The following PGS1 variants were observed in gnomAD, a reference collection of about 807,000 sequenced individuals.
PGS1 encodes the protein CDP-diacylglycerol--glycerol-3-phosphate 3-phosphatidyltransferase, mitochondrial.
Under a neutral mutation model 58.3 loss-of-function variants are expected in PGS1, and 44 were observed. The ratio of observed to expected loss-of-function variants is 0.75; its 90% CI spans 0.59 to 0.97. The LOEUF is 0.97. PGS1 is among the 50% of genes least tolerant of loss of function. The pLI is 0.00. For synonymous variants in PGS1, 330 were observed against 311.0 expected, an observed-to-expected ratio of 1.06 and a Z score of -0.64; for missense variants, 684 against 731.1, an observed-to-expected ratio of 0.94 and a Z score of 0.74.
chr17:78,390,062 T>TCCCCCG (rs60682804), intron 1 of PGS1, among the ~76,000 whole-genome samples: 1 of 128,606 alleles, frequency 7.8e-6, no homozygotes, highest in Non-Finnish European at 1.7e-5. Flanking sequence ...TGTTGCCTGT[T>TCCCCCG]CCCCCGCCCC....
Position 78,403,676 on chromosome 17 carries a change from C to A in PGS1, c.989C>A (p.Ser330Tyr). 1 of 1,614,252 alleles carries A rather than the reference C, an allele frequency of 6.2e-7. No individual in the cohort carries two copies. The highest frequency in any genetic ancestry group is 8.5e-7 in the Non-Finnish European group (1 of 1,180,042). ...MLHAQTFHSN[S>Y]LLTQEDAAAA... ...CATGCCCAGACCTTCCACAGCAACT[C>A]TCTTTTGACCCAGGAAGATGCAGCA... The change falls in exon 7 of 10, where the codon TCT becomes TAT. Residue 330 changes from serine to tyrosine, a missense_variant. Physicochemically the swap from Ser to Tyr is moderately radical, Grantham distance 144. Transcript: ENST00000262764.
intron 8 of PGS1, 66 bp downstream of exon 8, chr17:78,415,093 T>C (rs1009403140): frequency 2.5e-6 from 4 of 1,577,236 alleles, no homozygotes; most frequent in Non-Finnish European, 3.5e-6. Flanking sequence ...GGCTCACCCG[T>C]GCTGTGGGGC....
At chr17:78,404,350 C>T in intron 7 of PGS1, among the ~76,000 whole-genome samples, 1 of 146,434 alleles carries the variant, frequency 6.8e-6, no homozygotes. Flanking sequence ...AGCATGATCT[C>T]AGTTCACCGC....
intron 6 of PGS1, among the ~76,000 whole-genome samples, chr17:78,402,819 C>T (rs2083795088): frequency 6.6e-6 from 1 of 152,180 alleles, no homozygotes; most frequent in South Asian, 2.1e-4. Flanking sequence ...TTTCTTTCCC[C>T]TGTCTTCCTG....
rs567585190 is a variant in PGS1, at chr17:78,420,658, C to G, written c.*10+983C>G. ...CCTTAGTGCCTGGCACCTTAGTGCT[C>G]TGCTAAGTCTCATTGTTTAAAAATG... On this transcript the variant is annotated intron_variant, in intron 9 of 9. Coordinates refer to ENST00000262764, the MANE Select transcript of PGS1 (RefSeq NM_024419.5). The G allele has an allele frequency of 2.6e-5, 4 of 152,328 alleles. No individual in the cohort carries two copies. The South Asian group carries it at 8.3e-4, about 32-fold the overall frequency. The allele number at this position is 152,328 out of a possible 1,614,324, so 9.4% of individuals were successfully genotyped here. A position where few individuals can be genotyped will look rare whatever the true frequency, so the allele number is the denominator to read the frequency against.
intron 7 of PGS1, among the ~76,000 whole-genome samples, chr17:78,410,165 C>T (rs1027592698): frequency 1.4e-4 from 22 of 152,078 alleles, no homozygotes; most frequent in East Asian, 3.9e-4. Flanking sequence ...TTGTGACTTA[C>T]GCCTGTAATC....
chr17:78,424,051 C>T lies in PGS1; in HGVS notation c.*11-10C>T, dbSNP rs769326697. On this transcript the variant is annotated splice_polypyrimidine_tract_variant and intron_variant, in intron 9 of 9. Transcript: ENST00000262764. ...CTCATAGATGTTCTTGGTCTCCATG[C>T]GGTCCACAGGAATGGCCTTGATGAA... The T allele has an allele frequency of 4.5e-5, 73 of 1,613,904 alleles. No individual in the cohort carries two copies. The highest frequency in any genetic ancestry group is 5.1e-5 in the Non-Finnish European group (60 of 1,179,910).
chr17:78,392,262 T>C (rs74587498), intron 1 of PGS1, among the ~76,000 whole-genome samples: 5,855 of 152,240 alleles, frequency 0.038, 169 homozygotes, highest in Middle Eastern at 0.065. Context: ...GTAGGCTCTT[T>C]AAGGAATAAG....
In PGS1 at chr17:78,404,193, C is replaced by T. The variant is rs1473274989; in HGVS notation, c.1402+104C>T. The T allele has an allele frequency of 5.6e-5, 69 of 1,232,072 alleles. No individual in the cohort carries two copies. In the Middle Eastern group the frequency reaches 1.0e-3, roughly 18 times the overall value. The allele number at this position is 1,232,072 out of a possible 1,614,324, so 76.3% of individuals were successfully genotyped here. ...TACCTGTTAGAGTGCTGTACTTCTC[C>T]CTTCCTACCTTCCCAGCAGCCCTTG... On this transcript the variant is annotated intron_variant, in intron 7 of 9. Transcript: ENST00000262764.
At chr17:78,405,965 G>A (rs544758357) in intron 7 of PGS1, among the ~76,000 whole-genome samples, 1 of 152,304 alleles carries the variant, frequency 6.6e-6, no homozygotes, top group South Asian at 2.1e-4. Flanking sequence ...CAGGTGGTTT[G>A]TTTTTGTTTT....
At chr17:78,404,395 C>G (rs75176894) in intron 7 of PGS1, among the ~76,000 whole-genome samples, 4 of 151,534 alleles carry the variant, frequency 2.6e-5, no homozygotes, top group East Asian at 3.9e-4. Flanking sequence ...GTCCTCCCAC[C>G]GTAGCCTCCT....
rs78754752 is a variant in PGS1 at position 78,420,179 on chromosome 17, G to T, written c.*10+504G>T. On this transcript the variant is annotated intron_variant, in intron 9 of 9. Coordinates refer to ENST00000262764, the MANE Select transcript of PGS1 (RefSeq NM_024419.5). ...GAGCCAGACCGTGGGCTGCTGCCTGGACGCCTCGCTGACATCCCTGTGCTG... is the reference window on the plus strand; with the variant it reads ...GAGCCAGACCGTGGGCTGCTGCCTGTACGCCTCGCTGACATCCCTGTGCTG... 2,984 of 999,478 alleles carry T rather than the reference G, an allele frequency of 3.0e-3. 70 individuals carry two copies. In the African/African-American group the frequency reaches 0.048, roughly 16 times the overall value. The allele number at this position is 999,478 out of a possible 1,614,324, so 61.9% of individuals were successfully genotyped here.
chr17:78,413,307 A>G (rs964378755), intron 7 of PGS1, among the ~76,000 whole-genome samples: 1 of 152,196 alleles, frequency 6.6e-6, no homozygotes, highest in African/African-American at 2.4e-5. Flanking sequence ...TGTATGTTAC[A>G]TACTGTGTTG....
chr17:78,389,756 G>A (rs1245141339), intron 1 of PGS1, among the ~76,000 whole-genome samples: 1 of 151,528 alleles, frequency 6.6e-6, no homozygotes, highest in African/African-American at 2.4e-5. Context: ...TGGGATTACA[G>A]GCATGTACCA....
rs185620304 is a variant in PGS1 at position 78,397,458 on chromosome 17, C to T, written c.412-794C>T. Among the ~76,000 whole-genome samples, 80 of 111,630 alleles carry T rather than the reference C, an allele frequency of 7.2e-4. 1 individual carries two copies. The East Asian group carries it at 9.7e-3, about 14-fold the overall frequency. The allele number at this position is 111,630 out of a possible 152,430, so 73.2% of individuals were successfully genotyped here. Reference sequence around the variant, plus strand: ...GCCTCCCTCTTTTTTTTTTTTGAGACGGAGTTTTGCTCTTGTTGCCCAGGC... The same window carrying T: ...GCCTCCCTCTTTTTTTTTTTTGAGATGGAGTTTTGCTCTTGTTGCCCAGGC... On this transcript the variant is annotated intron_variant, in intron 3 of 9. Transcript: ENST00000262764.
At chr17:78,406,652 G>A (rs2084172676) in intron 7 of PGS1, among the ~76,000 whole-genome samples, 1 of 152,254 alleles carries the variant, frequency 6.6e-6, no homozygotes, top group African/African-American at 2.4e-5. Flanking sequence ...CCAGCCCGTG[G>A]CGGGTGTGGA....
At chr17:78,397,926 T>C (rs568553827) in intron 3 of PGS1, among the ~76,000 whole-genome samples, 59 of 152,328 alleles carry the variant, frequency 3.9e-4, no homozygotes, top group Non-Finnish European at 7.3e-4. Flanking sequence ...TCTGTGAGGA[T>C]TGTCTGTGTT....
chr17:78,383,682 G>A (rs76664142), intron 1 of PGS1, among the ~76,000 whole-genome samples: 9 of 152,232 alleles, frequency 5.9e-5, no homozygotes, highest in East Asian at 3.9e-4. Flanking sequence ...CCATCTCTTC[G>A]TTTGTTTATA....
Position 78,378,683 on chromosome 17 carries a change from A to G in PGS1, c.18A>G (p.Ala6=). ...GAGTCTCCATGGCGGTGGCGGCGGC[A>G]GCTGCGGCGGGACCCGTGTTCTGGA... MAVAA[A]AAAGPVFWRR... is the part of the protein sequence containing the mutation. Residue 6 remains alanine (A), a synonymous_variant, in exon 1 of 10, where the codon GCA becomes GCG. Coordinates refer to ENST00000262764, the MANE Select transcript of PGS1 (RefSeq NM_024419.5). The G allele has an allele frequency of 2.6e-6, 4 of 1,533,666 alleles. No homozygotes were observed.
Sources: gnomAD v4.1 joint callset for allele counts (sites outside exome capture counted in the v4.1 genomes callset) on GRCh38, gnomAD v4.1.1 for gene constraint, MANE v1.5 for transcripts, NCBI Gene and HGNC (gene_info 2026-07-23, HGNC 2026-07-21) for gene names.